Variants in ARHGAP36 observed in about 807,000 individuals in gnomAD.
The protein encoded by ARHGAP36 is rho GTPase-activating protein 36.
Under a neutral mutation model 32.9 loss-of-function variants are expected in ARHGAP36, and 7 were observed. The observed-to-expected ratio is 0.21, with a 90% confidence interval of 0.12 to 0.40. The LOEUF (loss-of-function observed/expected upper bound fraction) is 0.40, where lower values mean the gene tolerates loss of function less well. Among genes scored for constraint, ARHGAP36 ranks in the 10% least tolerant of loss-of-function variants. ARHGAP36 has a pLI of 1.00. For synonymous variants in ARHGAP36, 165 were observed against 168.3 expected, an observed-to-expected ratio of 0.98 and a Z score of 0.15; for missense variants, 383 against 442.2, an observed-to-expected ratio of 0.87 and a Z score of 1.20.
At chrX:131,073,498 C>G (rs2079743409) in intron 1 of ARHGAP36, among the ~76,000 whole-genome samples, 1 of 112,618 alleles carries the variant, frequency 8.9e-6, no homozygotes, top group Non-Finnish European at 1.9e-5. Flanking sequence ...GAGACAGGCT[C>G]AGTCCCCTGC....
intron 1 of ARHGAP36, among the ~76,000 whole-genome samples, chrX:131,079,529 ATTTG>A (rs1185401118): frequency 1.7e-4 from 17 of 97,522 alleles, no homozygotes; most frequent in African/African-American, 6.4e-4. Context: ...AGTATGGTTT[ATTTG>A]TTTGTTTGTT....
intron 2 of ARHGAP36, 118 bp downstream of exon 2, chrX:131,082,036 G>C (rs1336986329): frequency 1.4e-5 from 13 of 916,103 alleles, no homozygotes; most frequent in Non-Finnish European, 1.8e-5. Flanking sequence ...TCTCGGACTT[G>C]ATCAGTTCTC....
chrX:131,068,514 C>T (rs1367141184), intron 1 of ARHGAP36, among the ~76,000 whole-genome samples: 1 of 111,775 alleles, frequency 8.9e-6, no homozygotes, highest in Non-Finnish European at 1.9e-5. Flanking sequence ...AGCGAGCTGG[C>T]GCGAGGTCTC....
chrX:131,077,549 A>G (rs1220994505), intron 1 of ARHGAP36, among the ~76,000 whole-genome samples: 3 of 110,132 alleles, frequency 2.7e-5, no homozygotes, highest in African/African-American at 1.0e-4. Flanking sequence ...CAGTCCTCAC[A>G]ATGTTGAAGT....
chrX:131,083,252 C>A, intron 3 of ARHGAP36, 22 bp downstream of exon 3: 1 of 1,190,987 alleles, frequency 8.4e-7, no homozygotes, highest in Non-Finnish European at 1.1e-6. Flanking sequence ...CTTGTATTTT[C>A]TTTAGAAAAG....
At chrX:131,069,962 G>A (rs1002044651) in intron 1 of ARHGAP36, among the ~76,000 whole-genome samples, 3 of 112,504 alleles carry the variant, frequency 2.7e-5, no homozygotes, top group African/African-American at 9.7e-5. Flanking sequence ...CACAGTGCAA[G>A]CGCTATACAG....
At chrX:131,077,649 G>C (rs1462666339) in intron 1 of ARHGAP36, among the ~76,000 whole-genome samples, 1 of 109,215 alleles carries the variant, frequency 9.2e-6, no homozygotes, top group Non-Finnish European at 1.9e-5. Context: ...CCATTCAAGT[G>C]TGTTTCCCCT....
chrX:131,061,658 G>A (rs984070734), intron 1 of ARHGAP36, among the ~76,000 whole-genome samples: 1 of 111,510 alleles, frequency 9.0e-6, no homozygotes, highest in Non-Finnish European at 1.9e-5. Flanking sequence ...AAGCTGGGGC[G>A]TGACTGCCAA....
At chrX:131,059,266 G>T (rs1000861186) in intron 1 of ARHGAP36, among the ~76,000 whole-genome samples, 5 of 111,626 alleles carry the variant, frequency 4.5e-5, no homozygotes, top group Non-Finnish European at 7.5e-5. Context: ...TCAGGAGACT[G>T]ATATTTTCTT....
chrX:131,083,096 A>C, intron 2 of ARHGAP36, 69 bp from the exon 3 acceptor site: 1 of 1,056,420 alleles, frequency 9.5e-7, no homozygotes, highest in Non-Finnish European at 1.3e-6. Context: ...AGATCAGGGC[A>C]TTGGGATGTT....
chrX:131,081,637 T>A lies in ARHGAP36; in HGVS notation c.-29T>A. The A allele has an allele frequency of 1.7e-6, 2 of 1,194,763 alleles. No homozygotes were observed. Among genetic ancestry groups the A allele is most frequent in the East Asian group, 6.1e-5 (2 of 32,959 alleles). On this transcript the variant is annotated 5_prime_UTR_variant, in exon 2 of 12. An upstream start codon of the reference 5' UTR is lost. Coordinates refer to ENST00000276211, the MANE Select transcript of ARHGAP36 (RefSeq NM_144967.4). The stretch of plus-strand genomic sequence containing the variant: ...ACCAGGTCCAGTGACAATTGGATGA[T>A]GCAGCCTTGATAATCATCCGATTCC...
intron 1 of ARHGAP36, among the ~76,000 whole-genome samples, chrX:131,062,322 C>A (rs1429824085): frequency 8.9e-6 from 1 of 112,071 alleles, no homozygotes; most frequent in Admixed American, 9.4e-5. Flanking sequence ...GTTTGTTCTT[C>A]AATTACTGTT....
intron 2 of ARHGAP36, 65 bp from the exon 3 acceptor site, chrX:131,083,100 G>T: frequency 1.9e-6 from 2 of 1,077,442 alleles, no homozygotes; most frequent in Non-Finnish European, 1.3e-6. Flanking sequence ...CAGGGCATTG[G>T]GATGTTTTAG....
intron 1 of ARHGAP36, among the ~76,000 whole-genome samples, chrX:131,063,386 A>T (rs748975195): frequency 9.0e-6 from 1 of 111,690 alleles, no homozygotes; most frequent in Non-Finnish European, 1.9e-5. Context: ...TCTCTGTCTG[A>T]TGTGGTTGAC....
chrX:131,067,990 C>T (rs1270664390), intron 1 of ARHGAP36, among the ~76,000 whole-genome samples: 1 of 111,539 alleles, frequency 9.0e-6, no homozygotes, highest in Non-Finnish European at 1.9e-5. Flanking sequence ...TATACACTCA[C>T]CACAGCACGA....
chrX:131,061,594 C>T (rs1603392176), intron 1 of ARHGAP36, among the ~76,000 whole-genome samples: 2 of 111,367 alleles, frequency 1.8e-5, no homozygotes, highest in South Asian at 3.8e-4. Flanking sequence ...GAGATGGGAC[C>T]GAATCGATTT....
intron 1 of ARHGAP36, among the ~76,000 whole-genome samples, chrX:131,067,593 C>G (rs767929433): frequency 2.7e-5 from 3 of 112,286 alleles, no homozygotes; most frequent in Non-Finnish European, 3.8e-5. Context: ...CCGCCCCCAA[C>G]CACACACACG....
chrX:131,068,562 G>A (rs1288313426), intron 1 of ARHGAP36, among the ~76,000 whole-genome samples: 5 of 110,481 alleles, frequency 4.5e-5, no homozygotes, highest in Non-Finnish European at 9.5e-5. Context: ...CGACCCCGCC[G>A]GAGGCTCCTC....
intron 1 of ARHGAP36, among the ~76,000 whole-genome samples, chrX:131,060,839 GAAAT>G (rs773381332): frequency 1.3e-3 from 148 of 112,560 alleles, no homozygotes; most frequent in Admixed American, 2.0e-3. Flanking sequence ...GCATCACTTT[GAAAT>G]AAATAATCTT....
Sources: allele counts gnomAD v4.1 joint callset (sites outside exome capture counted in the v4.1 genomes callset), GRCh38; gene constraint gnomAD v4.1.1; transcripts MANE v1.5; gene names NCBI Gene and HGNC (gene_info 2026-07-23, HGNC 2026-07-21).